CFAP299: variants seen among roughly 807,000 people sequenced by gnomAD.
CFAP299 encodes the protein cilia and flagella associated protein 299, also known as cilia- and flagella-associated protein 299.
Under a neutral mutation model 27.0 loss-of-function variants are expected in CFAP299, and 21 were observed. The ratio of observed to expected loss-of-function variants is 0.78; its 90% CI spans 0.55 to 1.12. The LOEUF (loss-of-function observed/expected upper bound fraction) is 1.12. Ranked by LOEUF, CFAP299 falls within the 50% of genes most tolerant of loss-of-function variation. The pLI, the probability that CFAP299 is intolerant of heterozygous loss-of-function variation, is 0.00. For missense variants in CFAP299, 310 were observed against 276.6 expected, an observed-to-expected ratio of 1.12 and a Z score of -0.86; for synonymous variants, 104 against 98.1, an observed-to-expected ratio of 1.06 and a Z score of -0.36.
At chr4:80,655,420 A>G (rs1299012725) in intron 3 of CFAP299, among the ~76,000 whole-genome samples, 1 of 152,148 alleles carries the variant, frequency 6.6e-6, no homozygotes, top group African/African-American at 2.4e-5. Context: ...CAGGAAATGT[A>G]TTTTATATAT....
chr4:80,824,106 T>A (rs1182929252), intron 3 of CFAP299, among the ~76,000 whole-genome samples: 2 of 152,062 alleles, frequency 1.3e-5, no homozygotes, highest in Non-Finnish European at 2.9e-5. Context: ...TTCTAATAGG[T>A]TGATGGAGTA....
chr4:80,767,895 AT>A, intron 3 of CFAP299, among the ~76,000 whole-genome samples: 1 of 152,266 alleles, frequency 6.6e-6, no homozygotes, highest in Non-Finnish European at 1.5e-5. Context: ...TAGACTCTCT[AT>A]TTTTTGTTTC....
chr4:80,781,473 A>G (rs144059387), intron 3 of CFAP299, among the ~76,000 whole-genome samples: 1,675 of 152,164 alleles, frequency 0.011, 18 homozygotes, highest in Middle Eastern at 0.017. Context: ...ATCCTAAAGG[A>G]ATGGGTTTCA....
At chr4:80,576,091 G>A (rs564241786) in intron 2 of CFAP299, among the ~76,000 whole-genome samples, 223 of 151,640 alleles carry the variant, frequency 1.5e-3, no homozygotes, top group African/African-American at 4.8e-3. Flanking sequence ...TGTAAATGAC[G>A]AGTTAATGGG....
In CFAP299 at chr4:80,963,658, T is replaced by G; in HGVS notation, c.*46T>G. On this transcript the variant is annotated 3_prime_UTR_variant, in exon 6 of 6. Transcript: ENST00000358105. ...TAATAATTTGCTAAATTTAAATAAA[T>G]TCCGTAGACAGAGCAAATTAGAATA... 7.8e-7 allele frequency: 1 copy of G among 1,280,742 alleles called. No homozygotes were observed. Among genetic ancestry groups the G allele is most frequent in the Non-Finnish European group, 1.1e-6 (1 of 891,700 alleles). The allele number at this position is 1,280,742 out of a possible 1,614,324, so 79.3% of individuals were successfully genotyped here. A position where few individuals can be genotyped will look rare whatever the true frequency, so the allele number is the denominator to read the frequency against.
At chr4:80,588,479 T>C (rs1736560796) in intron 3 of CFAP299, among the ~76,000 whole-genome samples, 1 of 150,994 alleles carries the variant, frequency 6.6e-6, no homozygotes, top group Non-Finnish European at 1.5e-5. Flanking sequence ...AATCAATCAT[T>C]TTATATGAAA....
intron 3 of CFAP299, among the ~76,000 whole-genome samples, chr4:80,632,380 A>G (rs573933764): frequency 6.6e-6 from 1 of 152,334 alleles, no homozygotes; most frequent in South Asian, 2.1e-4. Flanking sequence ...TTCAGCATTT[A>G]TTAAAAATAG....
chr4:80,735,472 AT>A (rs1431808184), intron 3 of CFAP299, among the ~76,000 whole-genome samples: 1 of 152,114 alleles, frequency 6.6e-6, no homozygotes, highest in Non-Finnish European at 1.5e-5. Flanking sequence ...TTCCAGTACT[AT>A]GTTGAATAAC....
chr4:80,443,709 G>A (rs1284208261), intron 2 of CFAP299, among the ~76,000 whole-genome samples: 1 of 152,044 alleles, frequency 6.6e-6, no homozygotes, highest in Non-Finnish European at 1.5e-5. Flanking sequence ...AGAAATAAAG[G>A]GTATTCAAAT....
upstream of CFAP299, chr4:80,335,697 G>C (rs772730464): frequency 1.1e-6 from 1 of 875,858 alleles, no homozygotes; most frequent in Non-Finnish European, 2.0e-6. Flanking sequence ...TGGCAGGAAC[G>C]AAGTGGGTGG....
At chr4:80,708,541 T>A (rs1721951745) in intron 3 of CFAP299, among the ~76,000 whole-genome samples, 2 of 152,154 alleles carry the variant, frequency 1.3e-5, no homozygotes, top group South Asian at 4.1e-4. Flanking sequence ...GGCATTTTTC[T>A]TAGAAGGTAT....
chr4:80,943,358 G>A (rs1737293218), intron 4 of CFAP299, among the ~76,000 whole-genome samples: 1 of 151,786 alleles, frequency 6.6e-6, no homozygotes, highest in South Asian at 2.1e-4. Flanking sequence ...TGCACTTTTA[G>A]GTAATAATAT....
chr4:80,791,846 A>G (rs112794255), intron 3 of CFAP299, among the ~76,000 whole-genome samples: 1,632 of 151,804 alleles, frequency 0.011, 12 homozygotes, highest in Non-Finnish European at 0.016. Flanking sequence ...ACAGATATAT[A>G]TATATATACA....
intron 4 of CFAP299, among the ~76,000 whole-genome samples, chr4:80,907,547 C>G (rs1735244696): frequency 6.6e-6 from 1 of 152,118 alleles, no homozygotes; most frequent in Non-Finnish European, 1.5e-5. Flanking sequence ...GCTGAGGAGG[C>G]CTCAGGAAAC....
intron 3 of CFAP299, among the ~76,000 whole-genome samples, chr4:80,669,970 G>A (rs1741383216): frequency 6.6e-6 from 1 of 151,266 alleles, no homozygotes; most frequent in Non-Finnish European, 1.5e-5. Context: ...AGTGCGTCGT[G>A]AATTTTATGG....
At chr4:80,582,592 C>A (rs559800565) in intron 2 of CFAP299, among the ~76,000 whole-genome samples, 88 of 151,798 alleles carry the variant, frequency 5.8e-4, no homozygotes, top group African/African-American at 2.0e-3. Context: ...TTTTTGAATT[C>A]TTGATGCTTC....
At chr4:80,375,945 C>T (rs991483402) in intron 2 of CFAP299, among the ~76,000 whole-genome samples, 1 of 152,154 alleles carries the variant, frequency 6.6e-6, no homozygotes, top group Admixed American at 6.5e-5. Flanking sequence ...TTTTATAATT[C>T]GTTTTTGAAA....
At chr4:80,570,651 G>A (rs570836712) in intron 2 of CFAP299, among the ~76,000 whole-genome samples, 5 of 152,232 alleles carry the variant, frequency 3.3e-5, no homozygotes, top group Non-Finnish European at 7.4e-5. Context: ...ATAGTGAAGT[G>A]TAAATTGGAT....
At chr4:80,422,457 C>T (rs1164824419) in intron 2 of CFAP299, among the ~76,000 whole-genome samples, 2 of 152,104 alleles carry the variant, frequency 1.3e-5, no homozygotes, top group African/African-American at 4.8e-5. Flanking sequence ...CATAGGCCGA[C>T]CCTAAGTTCC....
Sources: gnomAD v4.1 joint callset for allele counts (sites outside exome capture counted in the v4.1 genomes callset) on GRCh38, gnomAD v4.1.1 for gene constraint, MANE v1.5 for transcripts, NCBI Gene and HGNC (gene_info 2026-07-23, HGNC 2026-07-21) for gene names.